The following ZBTB4 variants were observed in gnomAD, a reference collection of about 807,000 sequenced individuals.
ZBTB4 encodes the protein zinc finger and BTB domain-containing protein 4.
Under a neutral mutation model 59.8 loss-of-function variants are expected in ZBTB4, and 14 were observed. The ratio of observed to expected loss-of-function variants is 0.23; its 90% CI spans 0.15 to 0.37. ZBTB4 has a LOEUF of 0.37. Ranked by LOEUF, ZBTB4 falls within the 10% of genes least tolerant of loss-of-function variation. The pLI is 1.00. For synonymous variants in ZBTB4, 587 were observed against 575.2 expected (o/e 1.02, Z -0.29); for missense variants, 1,198 against 1,380.8 (o/e 0.87, Z 2.10).
Position 7,466,397 on chromosome 17 carries a change from C to T in ZBTB4, c.405G>A (p.Ala135=), listed in dbSNP as rs752712278. ...AGATGAAGTTGAGGACATCAGAAAACGCAGCTGCTGGGACTCCTGGCAACT... is the reference window on the plus strand; with the variant it reads ...AGATGAAGTTGAGGACATCAGAAAATGCAGCTGCTGGGACTCCTGGCAACT... ...VLELPGVPAA[A]FSDVLNFIYS... is the part of the protein sequence containing the mutation. The change falls in exon 3 of 4, where the codon GCG becomes GCA. Residue 135 remains alanine, a synonymous_variant. Transcript: ENST00000380599. The surrounding 1 kb of genome is among the most constrained non-coding windows in gnomAD (Gnocchi z 9.1). 55 of 1,613,772 alleles carry T rather than the reference C, an allele frequency of 3.4e-5. No homozygotes were observed. Among genetic ancestry groups the T allele is most frequent in the Non-Finnish European group, 4.2e-5 (49 of 1,179,988 alleles).
intron 1 of ZBTB4, among the ~76,000 whole-genome samples, chr17:7,476,578 G>C (rs1290656711): frequency 1.3e-5 from 2 of 152,146 alleles, no homozygotes; most frequent in Non-Finnish European, 2.9e-5. Context: ...TGTTCTGCCA[G>C]AAATGCTCTT....
In ZBTB4 at chr17:7,466,466, G is replaced by A. The variant is rs1345813329; in HGVS notation, c.336C>T (p.Pro112=). 5.0e-6 allele frequency: 8 copies of A among 1,611,556 alleles called. No individual in the cohort carries two copies. The highest frequency in any genetic ancestry group is 3.3e-5 in the South Asian group (3 of 90,742). ...AAGAAGCAGGGGGAGAGGCTGGAGG[G>A]GGAGAGGAAGAGGAAGAGGAAGAAG... ...SSSSSSSSSS[P]PPASPPASSP... The change falls in exon 3 of 4, where the codon CCC becomes CCT. Residue 112 remains proline (P), a synonymous_variant. Transcript: ENST00000380599. The surrounding 1 kb of genome is among the most constrained non-coding windows in gnomAD (Gnocchi z 9.1).
chr17:7,473,040 C>T (rs1402930721), intron 1 of ZBTB4, among the ~76,000 whole-genome samples: 8 of 151,284 alleles, frequency 5.3e-5, no homozygotes, highest in Admixed American at 1.3e-4. Context: ...CTGCAACCTC[C>T]GCCTCCCGGG....
rs780307068 is a variant in ZBTB4 at position 7,462,816 on chromosome 17, T to C, written c.2166A>G (p.Thr722=). Residue 722 remains threonine (T), a synonymous_variant, in exon 4 of 4, where the codon ACA becomes ACG. Transcript: ENST00000380599. The surrounding 1 kb of genome is among the most constrained non-coding windows in gnomAD (Gnocchi z 7.5). The part of the protein sequence containing the change: ...AAESPAGRAR[T]ERRHRCGDCA... ...AGTCCCCGCATCGGTGCCTCCGCTC[T>C]GTGCGGGCACGTCCCGCTGGGCTCT... 3 of 1,602,956 alleles carry C rather than the reference T, an allele frequency of 1.9e-6. No individual in the cohort carries two copies. The highest frequency in any genetic ancestry group is 4.5e-5 in the East Asian group (2 of 44,876).
intron 1 of ZBTB4, among the ~76,000 whole-genome samples, 177 bp downstream of exon 1, chr17:7,479,279 C>T (rs2070312016): frequency 6.6e-6 from 1 of 152,006 alleles, no homozygotes; most frequent in African/African-American, 2.4e-5. Context: ...GCGTCGTGCG[C>T]GCCCGGGGGC....
At position 7,463,399 on chromosome 17, in the gene ZBTB4, T is replaced by C. The variant is rs1345508474; in HGVS notation, c.1583A>G (p.Glu528Gly). Residue 528 changes from glutamate (E) to glycine (G), a missense_variant, in exon 4 of 4, where the codon GAG becomes GGG. Glu to Gly is a moderately conservative substitution (Grantham distance 98). Coordinates refer to ENST00000380599, the MANE Select transcript of ZBTB4 (RefSeq NM_001128833.2). ...TGGGCTGGTGGGTGTGGCTGCAGGC[T>C]CAGGGGGAGGAGGTGGGTATTCTCG... ...KKREYPPPPP[E>G]PAATPTSPAT... 1 of 1,589,664 alleles carries C rather than the reference T, an allele frequency of 6.3e-7. No individual in the cohort carries two copies. Among genetic ancestry groups the C allele is most frequent in the East Asian group, 2.3e-5 (1 of 44,354 alleles).
chr17:7,462,467 C>T lies in ZBTB4; in HGVS notation c.2515G>A (p.Glu839Lys). ...GEAGGGSTAA[E>K]EASETASLQD... is the part of the protein sequence containing the mutation. ...AGTGAGGCGGTCTCGGAAGCTTCCT[C>T]AGCAGCAGTGCTCCCGCCACCTGCC... Residue 839 changes from glutamate to lysine, a missense_variant, in exon 4 of 4, where the codon GAG becomes AAG. Physicochemically the swap from Glu to Lys is moderately conservative, Grantham distance 56. Transcript: ENST00000380599. The surrounding 1 kb of genome is among the most constrained non-coding windows in gnomAD (Gnocchi z 7.5). The T allele has an allele frequency of 6.2e-7, 1 of 1,613,878 alleles. No homozygotes were observed. Among genetic ancestry groups the T allele is most frequent in the Non-Finnish European group, 8.5e-7 (1 of 1,180,012 alleles).
chr17:7,472,351 C>T (rs1201423926), intron 1 of ZBTB4, among the ~76,000 whole-genome samples: 7 of 151,984 alleles, frequency 4.6e-5, no homozygotes, highest in Non-Finnish European at 8.8e-5. Flanking sequence ...CCACCACGTC[C>T]GGCTAATTTT....
rs1433896841 is a variant in ZBTB4, at chr17:7,465,930, C to A, written c.872G>T (p.Gly291Val). The A allele has an allele frequency of 6.2e-7, 1 of 1,609,182 alleles. No homozygotes were observed. Among genetic ancestry groups the A allele is most frequent in the Non-Finnish European group, 8.5e-7 (1 of 1,176,806 alleles). Residue 291 changes from glycine to valine, a missense_variant, in exon 3 of 4, where the codon GGC (glycine) becomes GTC (valine). Gly to Val is a moderately radical substitution (Grantham distance 109). Around this residue, in one of 9 missense-constraint regions of ZBTB4, gnomAD observed 204 missense variants for 205.5 expected, o/e 0.99. Transcript: ENST00000380599. ...CACGTGCTCGGGGCCCCCTCGGAAG[C>A]CCACTGGTGGAGGCAGGGCTGAGGC... ...VDASALPPPV[G>V]FRGGPEHVVK...
rs1231987014 is a variant in ZBTB4 at position 7,473,087 on chromosome 17, T to C, written c.-80-5760A>G. ...CTCCTGCCTCAACCTCACGAGTCAC[T>C]GGGACTATAGGCGCGCGCCACCATT... On this transcript the variant is annotated intron_variant, in intron 1 of 3. Coordinates refer to ENST00000380599, the MANE Select transcript of ZBTB4 (RefSeq NM_001128833.2). Among the ~76,000 whole-genome samples the C allele has an allele frequency of 1.4e-5, 2 of 143,338 alleles. 1 individual carries two copies. The highest frequency in any genetic ancestry group is 1.4e-4 in the Admixed American group (2 of 13,940). The allele number at this position is 143,338 out of a possible 152,430, so 94.0% of individuals were successfully genotyped here.
At chr17:7,479,267 C>T (rs2070311714) in intron 1 of ZBTB4, among the ~76,000 whole-genome samples, 189 bp downstream of exon 1, 1 of 152,150 alleles carries the variant, frequency 6.6e-6, no homozygotes, top group Non-Finnish European at 1.5e-5. Context: ...AGTCGCCCCC[C>T]AGCGTCGTGC....
chr17:7,481,163 C>CAA (rs34984586), upstream of ZBTB4, among the ~76,000 whole-genome samples: 691 of 130,160 alleles, frequency 5.3e-3, 5 homozygotes, highest in East Asian at 0.012. Flanking sequence ...AACTCCGTCC[C>CAA]AAAAAAAAAA....
upstream of ZBTB4, among the ~76,000 whole-genome samples, chr17:7,480,668 C>G (rs1176306286): frequency 9.2e-5 from 14 of 151,654 alleles, no homozygotes; most frequent in East Asian, 2.1e-3. Context: ...TGCAGTGAGC[C>G]GAGATCTCGC....
chr17:7,482,694 G>T, upstream of ZBTB4: 1 of 1,612,034 alleles, frequency 6.2e-7, no homozygotes, highest in South Asian at 1.1e-5. Context: ...TCTGTGCCAG[G>T]CCTCTTTGTG....
At chr17:7,464,781 T>C (rs928099272) in intron 3 of ZBTB4, among the ~76,000 whole-genome samples, 4 of 147,556 alleles carry the variant, frequency 2.7e-5, no homozygotes, top group African/African-American at 1.0e-4. Context: ...GAGGTTGCAC[T>C]GAGCTGAGAT....
Position 7,479,567 on chromosome 17 carries a change from GC to G in ZBTB4, c.-193del, listed in dbSNP as rs932429769. ...GGCTCCGGCTCCAGCTCCGGCCCTGGCCCCCCCAGCGCCTGGCCCCGGCCCG... is the reference window on the plus strand; with the variant it reads ...GGCTCCGGCTCCAGCTCCGGCCCTGGCCCCCCAGCGCCTGGCCCCGGCCCG... On this transcript the variant is annotated 5_prime_UTR_variant, in exon 1 of 4. It removes the in-frame stop codon of an upstream open reading frame in the 5' UTR. Transcript: ENST00000380599. 6.5e-5 allele frequency: 11 copies of G among 168,524 alleles called. No homozygotes were observed. The highest frequency in any genetic ancestry group is 5.2e-4 in the East Asian group (3 of 5,772). 10.4% of individuals were successfully genotyped at this position (168,524 alleles called of 1,614,324 possible).
rs1457374901 is a variant in ZBTB4, at chr17:7,466,566, G to A, written c.236C>T (p.Ala79Val). 1 of 1,612,774 alleles carries A rather than the reference G, an allele frequency of 6.2e-7. No homozygotes were observed. The highest frequency in any genetic ancestry group is 8.5e-7 in the Non-Finnish European group (1 of 1,179,472). The change falls in exon 3 of 4, where the codon GCC (alanine) becomes GTC (valine). Residue 79 changes from alanine to valine, a missense_variant. Ala to Val is a moderately conservative substitution (Grantham distance 64). Transcript: ENST00000380599. The surrounding 1 kb of genome is among the most constrained non-coding windows in gnomAD (Gnocchi z 9.1). ...GGAGGAAGAGGCAGCTGTGGTGGTG[G>A]CAGGGTTGGGTGCGGCGCCCCCAGT... ...PATGGAAPNP[A>V]TTTAASSSSS...
chr17:7,483,357 A>AG, upstream of ZBTB4: 1 of 324,784 alleles, frequency 3.1e-6, no homozygotes, highest in Non-Finnish European at 5.8e-6. Flanking sequence ...GCAAAGACAG[A>AG]GCCAGCAGCT....
At chr17:7,482,143 C>T (rs773769392), upstream of ZBTB4, 15 of 1,614,140 alleles carry the variant, frequency 9.3e-6, no homozygotes, top group East Asian at 2.2e-4. Flanking sequence ...CTGCTGGCTT[C>T]GTGGGCCCCC....
Sources: gnomAD v4.1 joint callset for allele counts (sites outside exome capture counted in the v4.1 genomes callset) on GRCh38, gnomAD v4.1.1 for gene constraint, gnomAD v4.1.1 regional missense constraint, Gnocchi (gnomAD v3.1) non-coding constraint, MANE v1.5 for transcripts, NCBI Gene and HGNC (gene_info 2026-07-23, HGNC 2026-07-21) for gene names.